The following TTC13 variants were observed in gnomAD, a reference collection of about 807,000 sequenced individuals.
TTC13 encodes tetratricopeptide repeat domain 13, also known as tetratricopeptide repeat protein 13.
In TTC13, 62 loss-of-function variants were observed where a neutral mutation model predicts 120.0. The observed-to-expected ratio is 0.52, with a 90% CI of 0.42 to 0.64. The LOEUF is 0.64. TTC13 is among the 30% of genes least tolerant of loss of function. The pLI, the probability that TTC13 is intolerant of heterozygous loss-of-function variation, is 0.00. For missense variants in TTC13, 824 were observed against 1,050.2 expected, an observed-to-expected ratio of 0.78 and a Z score of 2.98; for synonymous variants, 384 against 393.5, an observed-to-expected ratio of 0.98 and a Z score of 0.28.
At chr1:230,921,958 T>G (rs1672612000) in intron 15 of TTC13, among the ~76,000 whole-genome samples, 2 of 152,158 alleles carry the variant, frequency 1.3e-5, no homozygotes, top group Non-Finnish European at 2.9e-5. Context: ...TTCTATCCCT[T>G]CTGATCTTTT....
At chr1:230,922,549 CT>C (rs1349259339) in intron 15 of TTC13, among the ~76,000 whole-genome samples, 1 of 152,276 alleles carries the variant, frequency 6.6e-6, no homozygotes. Flanking sequence ...TGACTTCTGC[CT>C]ATCTTTCTAG....
rs1271120824 is a variant in TTC13 at position 230,939,495 on chromosome 1, T to C, written c.791A>G (p.Asp264Gly). 6.3e-7 allele frequency: 1 copy of C among 1,598,630 alleles called. No individual in the cohort carries two copies. The highest frequency in any genetic ancestry group is 8.6e-7 in the Non-Finnish European group (1 of 1,168,634). The change falls in exon 8 of 23, where the codon GAC becomes GGC. Residue 264 changes from aspartate to glycine, a missense_variant and splice_region_variant. Physicochemically the swap from Asp to Gly is moderately conservative, Grantham distance 94. This residue lies in a region of TTC13 where 430 missense variants were observed against 626.8 expected (regional missense o/e 0.69). Coordinates refer to ENST00000366661, the MANE Select transcript of TTC13 (RefSeq NM_024525.5). Reference sequence around the variant, plus strand: ...AAAGTCTTCATGGGCTGTTGCATAGTCCTACAAAAAGGAGAGTGGGGGGAA... The same window carrying C: ...AAAGTCTTCATGGGCTGTTGCATAGCCCTACAAAAAGGAGAGTGGGGGGAA... ...HRGTLYFISE[D>G]YATAHEDFQQ...
At chr1:230,933,718 G>T in intron 9 of TTC13, 61 bp downstream of exon 9, 1 of 849,810 alleles carries the variant, frequency 1.2e-6, no homozygotes, top group Non-Finnish European at 1.9e-6. Context: ...ATTATGTGAA[G>T]CTATCTTGTC....
rs1261882325 is a variant in TTC13 at position 230,940,331 on chromosome 1, T to C, written c.789+109A>G. ...TTTTATAACTCTTATGACACAGACA[T>C]ATTACTAAACAGTCAAAGCCCAAAT... On this transcript the variant is annotated intron_variant, in intron 7 of 22. Transcript: ENST00000366661. The surrounding 1 kb of genome is among the most constrained non-coding windows in gnomAD (Gnocchi z 4.1). 1 of 655,790 alleles carries C rather than the reference T, an allele frequency of 1.5e-6. No homozygotes were observed. The highest frequency in any genetic ancestry group is 2.6e-6 in the Non-Finnish European group (1 of 379,216). 40.6% of individuals were successfully genotyped at this position (655,790 alleles called of 1,614,324 possible).
chr1:230,957,653 C>T (rs775834204), intron 3 of TTC13, among the ~76,000 whole-genome samples: 5 of 152,172 alleles, frequency 3.3e-5, no homozygotes, highest in Non-Finnish European at 5.9e-5. Context: ...CAAATGTAAA[C>T]TCACTAGACA....
At chr1:230,949,751 T>C (rs1050443425) in intron 4 of TTC13, among the ~76,000 whole-genome samples, 1 of 152,224 alleles carries the variant, frequency 6.6e-6, no homozygotes, top group African/African-American at 2.4e-5. Context: ...GTTCACGCCA[T>C]TCTCCCGCCT....
At chr1:230,970,128 C>T (rs1301989320) in intron 1 of TTC13, among the ~76,000 whole-genome samples, 1 of 152,200 alleles carries the variant, frequency 6.6e-6, no homozygotes, top group Non-Finnish European at 1.5e-5. Context: ...GAACATGGTA[C>T]ATTTGTCACA....
At chr1:230,926,318 G>A (rs554972374) in intron 12 of TTC13, among the ~76,000 whole-genome samples, 58 of 152,160 alleles carry the variant, frequency 3.8e-4, no homozygotes, top group African/African-American at 1.3e-3. Flanking sequence ...AAGCTTCCAA[G>A]GGTCCTCTCC....
chr1:230,908,883 A>C, intron 21 of TTC13, 59 bp downstream of exon 21: 5 of 1,609,406 alleles, frequency 3.1e-6, no homozygotes, highest in Non-Finnish European at 4.3e-6. Context: ...TAAAATAAAA[A>C]TCCATAAATT....
intron 14 of TTC13, among the ~76,000 whole-genome samples, chr1:230,924,209 G>A (rs2105166): frequency 0.68 from 103,851 of 152,154 alleles, 35,538 homozygotes; most frequent in Admixed American, 0.72. Flanking sequence ...ACCATTATCT[G>A]TAAAGGGACT....
chr1:230,962,282 A>AAAC (rs1676712822), intron 1 of TTC13, among the ~76,000 whole-genome samples: 1 of 152,164 alleles, frequency 6.6e-6, no homozygotes, highest in Admixed American at 6.5e-5. Context: ...AACCCAACTA[A>AAAC]AACAACACAA....
chr1:230,939,232 G>C (rs888739742), intron 8 of TTC13, among the ~76,000 whole-genome samples, 154 bp downstream of exon 8: 4 of 152,076 alleles, frequency 2.6e-5, no homozygotes, highest in Non-Finnish European at 5.9e-5. Context: ...ATTAACCTTT[G>C]ATCCTTTCCC....
chr1:230,933,886 T>C, intron 8 of TTC13, 25 bp from the exon 9 acceptor site: 1 of 1,436,248 alleles, frequency 7.0e-7, no homozygotes, highest in Non-Finnish European at 9.6e-7. Flanking sequence ...GAGAAAATTA[T>C]TTCATTTGCA....
intron 12 of TTC13, among the ~76,000 whole-genome samples, chr1:230,926,681 C>T (rs1271977559): frequency 2.0e-5 from 3 of 152,124 alleles, no homozygotes; most frequent in East Asian, 3.9e-4. Context: ...TTTTGTGCAT[C>T]GAAATATTTC....
chr1:230,939,367 A>G lies in TTC13; in HGVS notation c.900+19T>C, dbSNP rs1674349233. On this transcript the variant is annotated intron_variant, in intron 8 of 22. Coordinates refer to ENST00000366661, the MANE Select transcript of TTC13 (RefSeq NM_024525.5). ...GAAGCAGAGTCATCATATGGTACAC[A>G]TATGCACAACACTTTCACCTTCAGA... 1 of 1,519,318 alleles carries G rather than the reference A, an allele frequency of 6.6e-7. No individual in the cohort carries two copies. Among genetic ancestry groups the G allele is most frequent in the Non-Finnish European group, 9.1e-7 (1 of 1,096,524 alleles). The allele number at this position is 1,519,318 out of a possible 1,614,324, so 94.1% of individuals were successfully genotyped here. A position where few individuals can be genotyped will look rare whatever the true frequency, so the allele number is the denominator to read the frequency against.
chr1:230,926,282 G>A (rs1353935794), intron 12 of TTC13, among the ~76,000 whole-genome samples: 1 of 151,996 alleles, frequency 6.6e-6, no homozygotes, highest in Non-Finnish European at 1.5e-5. Context: ...AGGCACATTG[G>A]GAGAAGTCTG....
intron 12 of TTC13, 147 bp downstream of exon 12, chr1:230,928,790 A>T: frequency 1.4e-6 from 1 of 723,492 alleles, no homozygotes; most frequent in Non-Finnish European, 2.3e-6. Context: ...ATTCACAGGC[A>T]CAAGGATAGT....
At chr1:230,963,716 G>C (rs1676867289) in intron 1 of TTC13, among the ~76,000 whole-genome samples, 1 of 152,064 alleles carries the variant, frequency 6.6e-6, no homozygotes, top group Non-Finnish European at 1.5e-5. Context: ...CAGAGAAAGG[G>C]AAGGGGTATT....
chr1:230,907,192 GC>G, intron 22 of TTC13, among the ~76,000 whole-genome samples, 173 bp from the exon 23 acceptor site: 1 of 152,322 alleles, frequency 6.6e-6, no homozygotes, highest in Non-Finnish European at 1.5e-5. Flanking sequence ...CACAACAACG[GC>G]CTGCGGCATC....
Sources: gnomAD v4.1 joint callset for allele counts (sites outside exome capture counted in the v4.1 genomes callset) on GRCh38, gnomAD v4.1.1 for gene constraint, gnomAD v4.1.1 regional missense constraint, Gnocchi (gnomAD v3.1) non-coding constraint, MANE v1.5 for transcripts, NCBI Gene and HGNC (gene_info 2026-07-23, HGNC 2026-07-21) for gene names.